Variants in WDR35 observed in about 807,000 individuals in gnomAD.
The protein encoded by WDR35 is WD repeat-containing protein 35.
In WDR35, 118 loss-of-function variants were observed where a neutral mutation model predicts 158.3. That is an observed-to-expected ratio of 0.75 (90% confidence interval 0.64 to 0.87). The LOEUF is 0.87. WDR35 is among the 40% of genes least tolerant of loss of function. The pLI is 0.00. For synonymous variants in WDR35, 448 were observed against 476.1 expected (o/e 0.94, Z 0.77); for missense variants, 1,263 against 1,405.8 (o/e 0.90, Z 1.62).
At chr2:19,946,092 G>T (rs571933745) in intron 15 of WDR35, 96 bp from the exon 16 acceptor site, 2 of 1,315,862 alleles carry the variant, frequency 1.5e-6, no homozygotes, top group South Asian at 2.6e-5. Flanking sequence ...TTCAAAATCA[G>T]ATTATCAGAA....
chr2:19,942,905 C>T (rs1670922522), intron 16 of WDR35, among the ~76,000 whole-genome samples: 1 of 152,040 alleles, frequency 6.6e-6, no homozygotes, highest in African/African-American at 2.4e-5. Context: ...GTAACCAAAG[C>T]TTTAATAATC....
chr2:19,984,048 T>C (rs75955131), intron 2 of WDR35, among the ~76,000 whole-genome samples: 11 of 21,116 alleles, frequency 5.2e-4, no homozygotes, highest in African/African-American at 2.4e-3. Flanking sequence ...TATACATATA[T>C]ACACACACCC....
intron 4 of WDR35, 113 bp from the exon 5 acceptor site, chr2:19,978,992 T>C: frequency 7.5e-7 from 1 of 1,341,154 alleles, no homozygotes; most frequent in South Asian, 1.3e-5. Flanking sequence ...ACTGCAAAGT[T>C]TTCTACAACC....
chr2:19,962,318 C>T lies in WDR35; in HGVS notation c.1195-1704G>A, dbSNP rs553534590. 2.2e-5 allele frequency: 36 copies of T among 1,613,020 alleles called. No individual in the cohort carries two copies. The Admixed American group carries it at 2.7e-4, about 12-fold the overall frequency. ...ACCGTTGCACCAAATGTCTCCATCT[C>T]GTTCTCCTCCTTTGAAGCAATATAT... On this transcript the variant is annotated intron_variant, in intron 10 of 26. Coordinates refer to ENST00000281405, the MANE Select transcript of WDR35 (RefSeq NM_020779.4).
At chr2:19,982,679 T>C (rs545717368) in intron 2 of WDR35, 145 bp from the exon 3 acceptor site, 308 of 864,856 alleles carry the variant, frequency 3.6e-4, no homozygotes, top group Admixed American at 1.9e-3. Flanking sequence ...GGTATAAACA[T>C]GAACAATAAC....
In WDR35 at chr2:19,971,821, A is replaced by C. The variant is rs1412321403; in HGVS notation, c.882+1742T>G. ...GCCAGGATGTGGCAGCAGCAAGGAA[A>C]GAAAACCACCTTTTAGTAAGCCCTC... On this transcript the variant is annotated intron_variant, in intron 8 of 26. Coordinates refer to ENST00000281405, the MANE Select transcript of WDR35 (RefSeq NM_020779.4). 2.6e-5 allele frequency among the ~76,000 whole-genome samples: 4 copies of C among 152,212 alleles called. No individual in the cohort carries two copies. The East Asian group carries it at 7.7e-4, about 29-fold the overall frequency.
chr2:19,973,521 C>T, intron 8 of WDR35, 42 bp downstream of exon 8: 1 of 1,613,804 alleles, frequency 6.2e-7, no homozygotes, highest in Non-Finnish European at 8.5e-7. Flanking sequence ...ACTCACTGCA[C>T]ATTTAAATAG....
At position 19,953,853 on chromosome 2, in the gene WDR35, G is replaced by A. The variant is rs767751856; in HGVS notation, c.1381C>T (p.Arg461Ter). The part of the protein sequence containing the change: ...ALEINQITRS[R>*]KEGRERIYHV... Reference sequence around the variant, plus strand: ...ATATACCTTTCTCTCCCTTCTTTTCGAGACCGTGTGATCTGATTAATTTCC... The same window carrying A: ...ATATACCTTTCTCTCCCTTCTTTTCAAGACCGTGTGATCTGATTAATTTCC... The change falls in exon 12 of 27, where the codon CGA becomes TGA. Residue 461 changes from arginine (R) to a stop codon, truncating the protein, a stop_gained. Transcript: ENST00000281405. LOFTEE classifies it high-confidence loss of function. 10 of 1,613,800 alleles carry A rather than the reference G, an allele frequency of 6.2e-6. No individual in the cohort carries two copies. The highest frequency in any genetic ancestry group is 2.2e-5 in the East Asian group (1 of 44,862).
At chr2:19,951,343 G>T in intron 13 of WDR35, 72 bp downstream of exon 13, 1 of 1,274,876 alleles carries the variant, frequency 7.8e-7, no homozygotes, top group South Asian at 1.4e-5. Context: ...TATTTTTCAG[G>T]TTTCAAAATA....
intron 11 of WDR35, among the ~76,000 whole-genome samples, chr2:19,956,207 T>C (rs1034296867): frequency 5.9e-5 from 9 of 152,360 alleles, no homozygotes; most frequent in South Asian, 2.1e-4. Flanking sequence ...TGAAGCAAGT[T>C]TGCACACCTT....
At chr2:19,951,187 C>T (rs757613268) in intron 13 of WDR35, among the ~76,000 whole-genome samples, 9 of 152,128 alleles carry the variant, frequency 5.9e-5, no homozygotes, top group Non-Finnish European at 1.3e-4. Flanking sequence ...TTAGATAATA[C>T]GCTTTTCTAA....
chr2:19,921,013 C>A (rs1179308925), intron 25 of WDR35, among the ~76,000 whole-genome samples: 1 of 152,146 alleles, frequency 6.6e-6, no homozygotes, highest in Non-Finnish European at 1.5e-5. Context: ...CCTAGGAATA[C>A]AACTTACAAG....
chr2:19,987,633 C>T (rs1375960342), intron 2 of WDR35, among the ~76,000 whole-genome samples: 1 of 151,892 alleles, frequency 6.6e-6, no homozygotes, highest in Non-Finnish European at 1.5e-5. Flanking sequence ...ACCATCCTGG[C>T]TAACACGGTG....
chr2:19,920,033 A>C (rs1386396658), intron 25 of WDR35, among the ~76,000 whole-genome samples: 1 of 152,258 alleles, frequency 6.6e-6, no homozygotes, highest in Non-Finnish European at 1.5e-5. Flanking sequence ...TAAACCAGGA[A>C]GAAGTCGAAT....
At chr2:19,977,135 A>C (rs1291418262) in intron 5 of WDR35, among the ~76,000 whole-genome samples, 1 of 152,140 alleles carries the variant, frequency 6.6e-6, no homozygotes, top group Non-Finnish European at 1.5e-5. Flanking sequence ...CCCAGCCTAA[A>C]TGTTGCTGAT....
chr2:19,972,612 T>C (rs771739864), intron 8 of WDR35, among the ~76,000 whole-genome samples: 62 of 152,066 alleles, frequency 4.1e-4, no homozygotes, highest in Non-Finnish European at 6.2e-4. Flanking sequence ...TTTGACAATG[T>C]ATAGAGAGCA....
chr2:19,972,070 A>T (rs1672051355), intron 8 of WDR35, among the ~76,000 whole-genome samples: 1 of 152,220 alleles, frequency 6.6e-6, no homozygotes, highest in Non-Finnish European at 1.5e-5. Context: ...CTAAGACCAC[A>T]GTGCAAAACC....
At chr2:19,919,397 AAG>A (rs1434255116) in intron 25 of WDR35, among the ~76,000 whole-genome samples, 15,222 of 114,358 alleles carry the variant, frequency 0.13, 1,053 homozygotes, top group Non-Finnish European at 0.18. Context: ...AAAAAAAAAA[AAG>A]AAAAGAAAAA....
Position 19,912,727 on chromosome 2 carries a change from G to A in WDR35, c.*831C>T, listed in dbSNP as rs984042942. On this transcript the variant is annotated 3_prime_UTR_variant, in exon 27 of 27. Coordinates refer to ENST00000281405, the MANE Select transcript of WDR35 (RefSeq NM_020779.4). ...AAATGATCCATTATGGATCACAACTGTTTATCTTTCAAATTAATAATAAAT... is the reference window on the plus strand; with the variant it reads ...AAATGATCCATTATGGATCACAACTATTTATCTTTCAAATTAATAATAAAT... The A allele has an allele frequency of 6.6e-6, 1 of 152,106 alleles. No individual in the cohort carries two copies. The highest frequency in any genetic ancestry group is 1.5e-5 in the Non-Finnish European group (1 of 68,028). The allele number at this position is 152,106 out of a possible 1,614,324, so 9.4% of individuals were successfully genotyped here. A position where few individuals can be genotyped will look rare whatever the true frequency, so the allele number is the denominator to read the frequency against.
Sources: allele counts gnomAD v4.1 joint callset (sites outside exome capture counted in the v4.1 genomes callset), GRCh38; gene constraint gnomAD v4.1.1; transcripts MANE v1.5; gene names NCBI Gene and HGNC (gene_info 2026-07-23, HGNC 2026-07-21).